The following FAT2 variants were observed in gnomAD, a reference collection of about 807,000 sequenced individuals.
FAT2 encodes the protein FAT atypical cadherin 2, also known as protocadherin Fat 2.
FAT2 carries 150 observed loss-of-function variants against 295.3 expected under a neutral mutation model. The observed-to-expected ratio is 0.51, with a 90% CI of 0.44 to 0.58. The LOEUF is 0.58. FAT2 is among the 20% of genes least tolerant of loss of function. The pLI is 0.00. For synonymous variants in FAT2, 2,026 were observed against 2,150.3 expected, an observed-to-expected ratio of 0.94 and a Z score of 1.60; for missense variants, 4,868 against 5,442.7, an observed-to-expected ratio of 0.89 and a Z score of 3.32.
chr5:151,549,653 A>G, intron 8 of FAT2, 148 bp from the exon 9 acceptor site: 11 of 643,378 alleles, frequency 1.7e-5, no homozygotes, highest in Admixed American at 2.8e-5. Context: ...GTTCTAATCT[A>G]TATGCTCTTT....
chr5:151,544,663 C>T lies in FAT2; in HGVS notation c.6464G>A (p.Ser2155Asn). 1 of 1,614,192 alleles carries T rather than the reference C, an allele frequency of 6.2e-7. No individual in the cohort carries two copies. Among genetic ancestry groups the T allele is most frequent in the South Asian group, 1.1e-5 (1 of 91,090 alleles). Residue 2155 changes from serine (S) to asparagine (N), a missense_variant, in exon 10 of 24, where the codon AGT becomes AAT. Ser to Asn is a conservative substitution (Grantham distance 46, BLOSUM62 1). Coordinates refer to ENST00000261800, the MANE Select transcript of FAT2 (RefSeq NM_001447.3). ...CACAGTGACAAGTACCTCTTCCTCA[C>T]TCTGGAGGGATGGCGTTCCTCCATC... ...ARDGGTPSLQ[S>N]EEEVLVTVRN... is the part of the protein sequence containing the mutation.
At position 151,568,617 on chromosome 5, in the gene FAT2, A is replaced by T; in HGVS notation, c.315T>A (p.Ala105=). The change falls in exon 2 of 24, where the codon GCT becomes GCA. Residue 105 remains alanine (A), a synonymous_variant. Transcript: ENST00000261800. ...LRIRTKSSNT[A]LLNREVRDSY... ...TGTCTCGCACCTCTCTGTTCAGAAG[A>T]GCTGTGTTGCTGCTCTTTGTCCTTA... The T allele has an allele frequency of 6.2e-7, 1 of 1,614,100 alleles. No homozygotes were observed. The highest frequency in any genetic ancestry group is 1.1e-5 in the South Asian group (1 of 91,074).
chr5:151,514,852 C>CTGAT (rs1400147996), intron 20 of FAT2, among the ~76,000 whole-genome samples: 1 of 152,256 alleles, frequency 6.6e-6, no homozygotes, highest in African/African-American at 2.4e-5. Flanking sequence ...CAAGGGTCTA[C>CTGAT]TGATTCTCCT....
chr5:151,547,685 T>G (rs1315547730), intron 9 of FAT2, among the ~76,000 whole-genome samples: 1 of 152,172 alleles, frequency 6.6e-6, no homozygotes, highest in Non-Finnish European at 1.5e-5. Context: ...TTTAAAGTGA[T>G]TCCATTAAAA....
chr5:151,563,019 T>C (rs1177046012), intron 3 of FAT2, among the ~76,000 whole-genome samples: 1 of 152,172 alleles, frequency 6.6e-6, no homozygotes, highest in Non-Finnish European at 1.5e-5. Flanking sequence ...CCTGCTTAGT[T>C]TCCTTGGGCC....
intron 22 of FAT2, among the ~76,000 whole-genome samples, chr5:151,508,229 C>G (rs1014041948): frequency 6.6e-6 from 1 of 152,218 alleles, no homozygotes; most frequent in African/African-American, 2.4e-5. Context: ...GAGTCCAAAA[C>G]ATTTCTCAGT....
chr5:151,568,157 C>G lies in FAT2; in HGVS notation c.775G>C (p.Val259Leu), dbSNP rs1242188146. The G allele has an allele frequency of 1.2e-6, 2 of 1,614,060 alleles. No individual in the cohort carries two copies. The highest frequency in any genetic ancestry group is 1.7e-6 in the Non-Finnish European group (2 of 1,180,032). Residue 259 changes from valine to leucine, a missense_variant, in exon 2 of 24, where the codon GTG becomes CTG. This residue lies in a region of FAT2 where 3,297 missense variants were observed against 3,669.4 expected (regional missense o/e 0.90). Transcript: ENST00000261800. ...ALRKPPAIAS[V>L]VVTPPDSNDG... The stretch of plus-strand genomic sequence containing the variant: ...TTGCTGTCTGGTGGAGTCACCACCA[C>G]CGAAGCAATGGCTGGGGGCTTCCTG...
chr5:151,591,851 T>G (rs550734184), upstream of FAT2, among the ~76,000 whole-genome samples: 1 of 152,180 alleles, frequency 6.6e-6, no homozygotes, highest in Non-Finnish European at 1.5e-5. Context: ...AAGGTTGTTA[T>G]GAGAATTAAA....
Position 151,521,545 on chromosome 5 carries a change from A to G in FAT2, c.11048T>C (p.Leu3683Pro). 2 of 1,614,196 alleles carry G rather than the reference A, an allele frequency of 1.2e-6. No homozygotes were observed. The highest frequency in any genetic ancestry group is 1.7e-6 in the Non-Finnish European group (2 of 1,180,034). ...TCCAGAATGCCCCTCAAAGACCAGG[A>G]GCACATCCACACCAGCCACGGCCTC... The part of the protein sequence containing the change: ...PAEAVAGVDV[L>P]LVFEGHSGTF... The change falls in exon 19 of 24, where the codon CTC (leucine) becomes CCC (proline). Residue 3683 changes from leucine (L) to proline (P), a missense_variant. Physicochemically the swap from Leu to Pro is moderately conservative, Grantham distance 98 (BLOSUM62 -3). This residue lies in a region of FAT2 where 1,046 missense variants were observed against 1,210.1 expected (regional missense o/e 0.86). Transcript: ENST00000261800.
rs947552978 is a variant in FAT2, at chr5:151,543,269, C to T, written c.7858G>A (p.Val2620Ile). The part of the protein sequence containing the change: ...YDADEGQNAD[V>I]TYSVNPEDLV... ...TCCTCTGGGTTCACTGAGTAGGTGA[C>T]ATCTGCGTTCTGACCTTCATCTGCA... Residue 2620 changes from valine (V) to isoleucine (I), a missense_variant, in exon 10 of 24, where the codon GTC becomes ATC. Coordinates refer to ENST00000261800, the MANE Select transcript of FAT2 (RefSeq NM_001447.3). 1.9e-6 allele frequency: 3 copies of T among 1,614,184 alleles called. No individual in the cohort carries two copies. The highest frequency in any genetic ancestry group is 1.1e-5 in the South Asian group (1 of 91,078).
chr5:151,525,145 C>G (rs898899508), intron 18 of FAT2, among the ~76,000 whole-genome samples: 4 of 152,168 alleles, frequency 2.6e-5, no homozygotes, highest in African/African-American at 9.7e-5. Context: ...ATGAATACAT[C>G]ATTCCCAGCC....
rs151157460 is a variant in FAT2, at chr5:151,543,417, C to G, written c.7710G>C (p.Thr2570=). ...TTTCATCTGTGAGGATGATCTTCACCGTGCAGAAGGCTACTCTTCCTCCTC... is the reference window on the plus strand; with the variant it reads ...TTTCATCTGTGAGGATGATCTTCACGGTGCAGAAGGCTACTCTTCCTCCTC... The part of the protein sequence containing the change: ...RDGGGRVAFC[T]VKIILTDEND... Residue 2570 remains threonine, a synonymous_variant, in exon 10 of 24, where the codon ACG becomes ACC. Coordinates refer to ENST00000261800, the MANE Select transcript of FAT2 (RefSeq NM_001447.3). 5 of 1,613,878 alleles carry G rather than the reference C, an allele frequency of 3.1e-6. No homozygotes were observed. In the African/African-American group the frequency reaches 6.7e-5, roughly 22 times the overall value.
chr5:151,535,755 T>C (rs1355466464), intron 12 of FAT2, among the ~76,000 whole-genome samples: 1 of 152,124 alleles, frequency 6.6e-6, no homozygotes, highest in African/African-American at 2.4e-5. Flanking sequence ...TAGAGTCTTG[T>C]GGACAGAGCC....
intron 20 of FAT2, among the ~76,000 whole-genome samples, chr5:151,513,463 G>A (rs1353920828): frequency 2.0e-5 from 3 of 152,090 alleles, no homozygotes; most frequent in South Asian, 2.1e-4. Flanking sequence ...TGGAGTTGGC[G>A]GCCATTATCC....
In FAT2 at chr5:151,512,169, C is replaced by T. The variant is rs1425527230; in HGVS notation, c.11901G>A (p.Gly3967=). 1.2e-6 allele frequency: 2 copies of T among 1,611,460 alleles called. No homozygotes were observed. The highest frequency in any genetic ancestry group is 1.7e-6 in the Non-Finnish European group (2 of 1,177,876). The change falls in exon 21 of 24, where the codon GGG becomes GGA. Residue 3967 remains glycine, a synonymous_variant. Coordinates refer to ENST00000261800, the MANE Select transcript of FAT2 (RefSeq NM_001447.3). The surrounding 1 kb of genome is among the most constrained non-coding windows in gnomAD (Gnocchi z 4.1). ...LNGGKCSWTH[G]AGYVCKCPPQ... ...GCCTGGCACCCCAGCCCTCACCTGC[C>T]CCATGGGTCCATGAGCACTTCCCAC...
chr5:151,569,317 T>C (rs765403312), intron 1 of FAT2, among the ~76,000 whole-genome samples: 2 of 152,174 alleles, frequency 1.3e-5, no homozygotes, highest in Non-Finnish European at 2.9e-5. Flanking sequence ...CAAAGTCATA[T>C]CTTACTTGGC....
rs1366393595 is a variant in FAT2 at position 151,563,613 on chromosome 5, C to T, written c.3286G>A (p.Asp1096Asn). The change falls in exon 3 of 24, where the codon GAC becomes AAC. Residue 1096 changes from aspartate (D) to asparagine (N), a missense_variant. By Grantham distance (23) the Asp-to-Asn change is conservative. This residue lies in a region of FAT2 where 3,297 missense variants were observed against 3,669.4 expected (regional missense o/e 0.90). Coordinates refer to ENST00000261800, the MANE Select transcript of FAT2 (RefSeq NM_001447.3). Reference sequence around the variant, plus strand: ...CAGTAGTAAGATGCAAATTCTCGGTCCAGGGGTGCCAGAGTCTGAATCATT... The same window carrying T: ...CAGTAGTAAGATGCAAATTCTCGGTTCAGGGGTGCCAGAGTCTGAATCATT... Reference protein sequence around the residue: ...TGMIQTLAPLDREFASYYWLT... With the variant: ...TGMIQTLAPLNREFASYYWLT... The T allele has an allele frequency of 3.7e-6, 6 of 1,613,918 alleles. No individual in the cohort carries two copies. In the South Asian group the frequency reaches 5.5e-5, roughly 15 times the overall value.
intron 1 of FAT2, among the ~76,000 whole-genome samples, chr5:151,590,939 G>A (rs1036498224): frequency 1.3e-5 from 2 of 152,142 alleles, no homozygotes; most frequent in African/African-American, 4.8e-5. Flanking sequence ...GCTGGGCCCC[G>A]ATCCCCAGCC....
intron 6 of FAT2, among the ~76,000 whole-genome samples, chr5:151,552,932 A>G (rs906825548): frequency 5.9e-5 from 9 of 152,222 alleles, no homozygotes; most frequent in African/African-American, 2.2e-4. Flanking sequence ...TAACTGAGGC[A>G]CTGCCAACTC....
Sources: allele counts gnomAD v4.1 joint callset (sites outside exome capture counted in the v4.1 genomes callset), GRCh38; gene constraint gnomAD v4.1.1; regional missense constraint gnomAD v4.1.1; non-coding constraint Gnocchi (gnomAD v3.1); transcripts MANE v1.5; gene names NCBI Gene and HGNC (gene_info 2026-07-23, HGNC 2026-07-21).